DEAF1: variants seen among roughly 807,000 people sequenced by gnomAD.
DEAF1 encodes the protein DEAF1 transcription factor, also known as deformed epidermal autoregulatory factor 1 homolog.
Under a neutral mutation model 58.9 loss-of-function variants are expected in DEAF1, and 53 were observed. The ratio of observed to expected loss-of-function variants is 0.90; its 90% CI spans 0.72 to 1.13. The LOEUF (loss-of-function observed/expected upper bound fraction) is 1.13. DEAF1 is among the 50% of genes most tolerant of loss of function. The probability of loss-of-function intolerance (pLI) is 0.00; values close to 1 mark genes in which losing one functional copy is unlikely to be tolerated. For missense variants in DEAF1, 685 were observed against 791.4 expected (o/e 0.87, Z 1.61); for synonymous variants, 385 against 340.4 (o/e 1.13, Z -1.44).
Position 703,058 on chromosome 11 carries a change from T to G in DEAF1, c.-438+3514A>C, listed in dbSNP as rs746701895. On this transcript the variant is annotated intron_variant, in intron 1 of 11. Transcript: ENST00000683307. ...CCTGCTTTGGCAGGCCCTAGTGTTGTGGGCGGACTGGGCCCTCAGCGCCAC... is the reference window on the plus strand; with the variant it reads ...CCTGCTTTGGCAGGCCCTAGTGTTGGGGGCGGACTGGGCCCTCAGCGCCAC... 3.7e-6 allele frequency: 6 copies of G among 1,612,658 alleles called. No homozygotes were observed. The highest frequency in any genetic ancestry group is 1.6e-4 in the Middle Eastern group (1 of 6,074).
chr11:685,129 G>A (rs1198912865), intron 5 of DEAF1, among the ~76,000 whole-genome samples, 166 bp from the exon 6 acceptor site: 1 of 125,880 alleles, frequency 7.9e-6, no homozygotes, highest in African/African-American at 3.1e-5. Flanking sequence ...GGGTTGCCCA[G>A]GCTGGAGTGC....
At chr11:700,559 T>C in intron 1 of DEAF1, 1 of 1,339,340 alleles carries the variant, frequency 7.5e-7, no homozygotes, top group Non-Finnish European at 1.1e-6. Flanking sequence ...CAAGCTGAGG[T>C]GGCTGCTGCT....
intron 6 of DEAF1, among the ~76,000 whole-genome samples, chr11:684,679 C>CA (rs1280534050): frequency 2.0e-5 from 3 of 152,170 alleles, no homozygotes; most frequent in African/African-American, 7.2e-5. Context: ...CTTTGAGCAA[C>CA]ATCTTGGGGG....
chr11:691,165 G>A (rs1422253716), intron 2 of DEAF1, among the ~76,000 whole-genome samples: 5 of 152,240 alleles, frequency 3.3e-5, no homozygotes, highest in East Asian at 1.9e-4. Flanking sequence ...GCAGCTATAG[G>A]ATAAGGAGCA....
intron 6 of DEAF1, among the ~76,000 whole-genome samples, chr11:682,332 A>C (rs920920022): frequency 6.6e-6 from 1 of 152,162 alleles, no homozygotes; most frequent in Non-Finnish European, 1.5e-5. Flanking sequence ...TTCGATCTTG[A>C]AGGTCGGTTT....
chr11:681,186 A>T (rs747307512), intron 6 of DEAF1, 97 bp from the exon 7 acceptor site: 19 of 1,544,410 alleles, frequency 1.2e-5, no homozygotes, highest in Non-Finnish European at 1.6e-5. Flanking sequence ...GGGGTGTGTG[A>T]GTCACATGGT....
intron 10 of DEAF1, among the ~76,000 whole-genome samples, chr11:669,861 C>T (rs1359134742): frequency 1.5e-5 from 2 of 136,258 alleles, no homozygotes; most frequent in African/African-American, 2.8e-5. Flanking sequence ...ACCTGGGAGG[C>T]GAAGGCTACA....
Position 644,449 on chromosome 11 carries a change from C to T in DEAF1, c.*101G>A. ...CAAGTTTCTTTACCTTCCCACACCC[C>T]TCTTCTCAACGTCCCCCCAGAGTCC... On this transcript the variant is annotated 3_prime_UTR_variant, in exon 12 of 12. Transcript: ENST00000382409. The surrounding 1 kb of genome is among the most constrained non-coding windows in gnomAD (Gnocchi z 4.3). 3.5e-6 allele frequency: 3 copies of T among 861,730 alleles called. No individual in the cohort carries two copies. The highest frequency in any genetic ancestry group is 5.7e-6 in the Non-Finnish European group (3 of 528,756). 53.4% of individuals were successfully genotyped at this position (861,730 alleles called of 1,614,324 possible). A position where few individuals can be genotyped will look rare whatever the true frequency, so the allele number is the denominator to read the frequency against.
chr11:688,896 T>C lies in DEAF1; in HGVS notation c.388-436A>G, dbSNP rs2133409864. On this transcript the variant is annotated intron_variant, in intron 2 of 11. Coordinates refer to ENST00000382409, the MANE Select transcript of DEAF1 (RefSeq NM_021008.4). This position sits in a 1 kb window ranked among gnomAD's most constrained non-coding sequence, Gnocchi z 4.3. ...GGAGACCAGGGCCTCAAAACCACATTTCCACACTGGCTGAAGCTGCTGCAA... is the reference window on the plus strand; with the variant it reads ...GGAGACCAGGGCCTCAAAACCACATCTCCACACTGGCTGAAGCTGCTGCAA... Among the ~76,000 whole-genome samples, 1 of 152,230 alleles carries C rather than the reference T, an allele frequency of 6.6e-6. No homozygotes were observed. Among genetic ancestry groups the C allele is most frequent in the African/African-American group, 2.4e-5 (1 of 41,556 alleles).
At chr11:657,554 C>A (rs899856026) in intron 10 of DEAF1, among the ~76,000 whole-genome samples, 3 of 152,176 alleles carry the variant, frequency 2.0e-5, no homozygotes, top group East Asian at 1.9e-4. Flanking sequence ...GAAGCCCCCC[C>A]ACGGCCGTGG....
chr11:681,171 A>C, intron 6 of DEAF1, 82 bp from the exon 7 acceptor site: 1 of 1,594,360 alleles, frequency 6.3e-7, no homozygotes, highest in East Asian at 2.2e-5. Context: ...AAGTGGGGGC[A>C]CCGCGGGGTG....
At chr11:659,480 T>C (rs1337930957) in intron 10 of DEAF1, among the ~76,000 whole-genome samples, 1 of 152,166 alleles carries the variant, frequency 6.6e-6, no homozygotes, top group Non-Finnish European at 1.5e-5. Flanking sequence ...TGGTGGATCG[T>C]GTATCTTACA....
At chr11:658,627 A>G (rs540667541) in intron 10 of DEAF1, among the ~76,000 whole-genome samples, 1 of 152,262 alleles carries the variant, frequency 6.6e-6, no homozygotes, top group Non-Finnish European at 1.5e-5. Flanking sequence ...GCGCCCCAAG[A>G]AGCTCATGCT....
At chr11:682,762 T>C (rs1860432861) in intron 6 of DEAF1, among the ~76,000 whole-genome samples, 1 of 152,190 alleles carries the variant, frequency 6.6e-6, no homozygotes, top group African/African-American at 2.4e-5. Context: ...TGGCCTCCCA[T>C]GCCTGGGTAA....
intron 7 of DEAF1, 51 bp downstream of exon 7, chr11:680,912 A>G: frequency 6.2e-7 from 1 of 1,613,570 alleles, no homozygotes; most frequent in South Asian, 1.1e-5. Flanking sequence ...GAGAGAAGGC[A>G]ATGCACTCAG....
intron 1 of DEAF1, 33 bp downstream of exon 1, chr11:694,726 C>T (rs1861029195): frequency 3.9e-6 from 5 of 1,287,570 alleles, no homozygotes; most frequent in African/African-American, 3.1e-5. Context: ...GCGCGGGAAC[C>T]GGACGAGGCG....
chr11:647,316 T>C (rs936766481), intron 11 of DEAF1, among the ~76,000 whole-genome samples: 6 of 151,910 alleles, frequency 3.9e-5, no homozygotes, highest in African/African-American at 7.3e-5. Context: ...TAGCCGGACG[T>C]GGTGGCGGGT....
At chr11:663,052 C>G (rs1859383481) in intron 10 of DEAF1, among the ~76,000 whole-genome samples, 1 of 152,234 alleles carries the variant, frequency 6.6e-6, no homozygotes, top group African/African-American at 2.4e-5. Flanking sequence ...GGGGCTCACG[C>G]CTAGAGTCCC....
chr11:649,926 T>C (rs1858682561), intron 11 of DEAF1, among the ~76,000 whole-genome samples: 1 of 151,706 alleles, frequency 6.6e-6, no homozygotes, highest in Admixed American at 6.6e-5. Flanking sequence ...CTCAGGAGGC[T>C]GAGGAAGGGA....
Sources: allele counts gnomAD v4.1 joint callset (sites outside exome capture counted in the v4.1 genomes callset), GRCh38; gene constraint gnomAD v4.1.1; non-coding constraint Gnocchi (gnomAD v3.1); transcripts MANE v1.5; gene names NCBI Gene and HGNC (gene_info 2026-07-23, HGNC 2026-07-21).